Variants in FRMD3 observed in about 807,000 individuals in gnomAD.
The protein encoded by FRMD3 is FERM domain containing 3, also known as FERM domain-containing protein 3.
In FRMD3, 33 loss-of-function variants were observed where a neutral mutation model predicts 70.2. The observed-to-expected ratio is 0.47, with a 90% CI of 0.36 to 0.63. The LOEUF is 0.63. Ranked by LOEUF, FRMD3 falls within the 20% of genes least tolerant of loss-of-function variation. FRMD3 has a pLI of 0.00. For missense variants in FRMD3, 632 were observed against 711.4 expected (o/e 0.89, Z 1.27); for synonymous variants, 279 against 255.9 (o/e 1.09, Z -0.86).
chr9:83,350,633 AAAAAAG>A (rs1163833339), intron 3 of FRMD3: 42 of 459,940 alleles, frequency 9.1e-5, no homozygotes, highest in African/African-American at 7.0e-4. Context: ...CAAAAAAAAA[AAAAAAG>A]AAAGAAAGAA....
At chr9:83,313,267 T>C (rs948629777) in intron 7 of FRMD3, among the ~76,000 whole-genome samples, 16 of 152,218 alleles carry the variant, frequency 1.1e-4, no homozygotes, top group African/African-American at 3.9e-4. Context: ...GTGTTCCTAA[T>C]GCCAAAATGC....
intron 1 of FRMD3, among the ~76,000 whole-genome samples, chr9:83,390,837 T>A (rs894224989): frequency 3.3e-5 from 5 of 152,188 alleles, no homozygotes; most frequent in Admixed American, 3.3e-4. Context: ...ACTTTTTCAA[T>A]CCACTAAAAA....
chr9:83,278,741 C>A (rs1235855484), intron 13 of FRMD3, among the ~76,000 whole-genome samples: 3 of 152,118 alleles, frequency 2.0e-5, no homozygotes. Flanking sequence ...CCGGTCTAGC[C>A]CCAGAGACAA....
the FRMD3 span, among the ~76,000 whole-genome samples, chr9:83,551,776 T>C: frequency 3.3e-5 from 5 of 152,302 alleles, no homozygotes; most frequent in East Asian, 9.6e-4. Context: ...GTGTTTATAG[T>C]AGTTTCTGAG....
the FRMD3 span, among the ~76,000 whole-genome samples, chr9:83,575,603 T>A: frequency 1.3e-5 from 2 of 152,152 alleles, no homozygotes; most frequent in African/African-American, 4.8e-5. Flanking sequence ...AGAGGGGATA[T>A]ACTTGTTCAA....
chr9:83,525,881 T>C (rs955312840), intron 1 of FRMD3, among the ~76,000 whole-genome samples: 1 of 152,312 alleles, frequency 6.6e-6, no homozygotes, highest in South Asian at 2.1e-4. Flanking sequence ...TCTACAAGCC[T>C]GCCCCAACCA....
rs899365050 is a variant in FRMD3 at position 83,372,819 on chromosome 9, T to C, written c.295+94A>G. 5 of 1,147,304 alleles carry C rather than the reference T, an allele frequency of 4.4e-6. No homozygotes were observed. The African/African-American group carries it at 6.1e-5, about 14-fold the overall frequency. The allele number at this position is 1,147,304 out of a possible 1,614,324, so 71.1% of individuals were successfully genotyped here. A position where few individuals can be genotyped will look rare whatever the true frequency, so the allele number is the denominator to read the frequency against. On this transcript the variant is annotated intron_variant, in intron 3 of 13. Transcript: ENST00000304195. ...CCACACCCCCCAACACCTCTTCAACTCTATTATTCCCCTGGCAGGAGAAAG... is the reference window on the plus strand; with the variant it reads ...CCACACCCCCCAACACCTCTTCAACCCTATTATTCCCCTGGCAGGAGAAAG...
intron 8 of FRMD3, among the ~76,000 whole-genome samples, chr9:83,310,840 A>G (rs1835324549): frequency 6.6e-6 from 1 of 152,210 alleles, no homozygotes; most frequent in Non-Finnish European, 1.5e-5. Flanking sequence ...GATCAGAACA[A>G]TATTAATTGC....
intron 1 of FRMD3, among the ~76,000 whole-genome samples, chr9:83,483,561 ATC>A (rs895701475): frequency 6.6e-6 from 1 of 152,194 alleles, no homozygotes; most frequent in Non-Finnish European, 1.5e-5. Context: ...CTAAAACCTT[ATC>A]TGATACAAAT....
intron 2 of FRMD3, among the ~76,000 whole-genome samples, chr9:83,386,528 A>T (rs1157214885): frequency 6.6e-6 from 1 of 152,224 alleles, no homozygotes; most frequent in Non-Finnish European, 1.5e-5. Flanking sequence ...TTAAAATTTT[A>T]ATAATTTTAG....
At chr9:83,266,993 C>T (rs1833290467) in intron 13 of FRMD3, 3 of 1,549,232 alleles carry the variant, frequency 1.9e-6, no homozygotes, top group Non-Finnish European at 2.6e-6. Flanking sequence ...AGGATGACAG[C>T]CCAGGGCACC....
At chr9:83,567,216 G>A in the FRMD3 span, among the ~76,000 whole-genome samples, 8 of 152,322 alleles carry the variant, frequency 5.3e-5, 1 homozygote, top group South Asian at 6.2e-4. Flanking sequence ...CTGAAGCCAC[G>A]GTCAGAGCTA....
the FRMD3 span, among the ~76,000 whole-genome samples, chr9:83,581,300 C>T: frequency 2.0e-5 from 3 of 152,076 alleles, no homozygotes; most frequent in Non-Finnish European, 4.4e-5. Flanking sequence ...AGTTTTAAAA[C>T]AGGCAAAGGA....
intron 1 of FRMD3, among the ~76,000 whole-genome samples, chr9:83,424,261 A>G (rs1826737066): frequency 6.6e-6 from 1 of 152,232 alleles, no homozygotes; most frequent in Non-Finnish European, 1.5e-5. Flanking sequence ...AGCACCTTGT[A>G]CATTCAAATT....
At chr9:83,381,813 T>C (rs532465986) in intron 2 of FRMD3, among the ~76,000 whole-genome samples, 1 of 152,158 alleles carries the variant, frequency 6.6e-6, no homozygotes, top group Non-Finnish European at 1.5e-5. Flanking sequence ...GACCAGATAG[T>C]AAATATTTTA....
chr9:83,326,092 C>T (rs1393779036), intron 6 of FRMD3, among the ~76,000 whole-genome samples: 1 of 152,150 alleles, frequency 6.6e-6, no homozygotes, highest in Non-Finnish European at 1.5e-5. Context: ...GGGTCCAGAA[C>T]ACAGGAACGT....
At chr9:83,513,194 A>G (rs980226866) in intron 1 of FRMD3, among the ~76,000 whole-genome samples, 1 of 152,226 alleles carries the variant, frequency 6.6e-6, no homozygotes, top group African/African-American at 2.4e-5. Context: ...CTAGCCCTAC[A>G]AAGCATTTCT....
At chr9:83,567,139 C>T in the FRMD3 span, among the ~76,000 whole-genome samples, 1 of 152,210 alleles carries the variant, frequency 6.6e-6, no homozygotes, top group South Asian at 2.1e-4. Flanking sequence ...AACCTCAGTT[C>T]CTGACTTCTG....
At chr9:83,471,665 G>A (rs1828272852) in intron 1 of FRMD3, among the ~76,000 whole-genome samples, 1 of 152,218 alleles carries the variant, frequency 6.6e-6, no homozygotes, top group Non-Finnish European at 1.5e-5. Flanking sequence ...AATTCACCTT[G>A]TTCAAAGCTT....
Sources: allele counts gnomAD v4.1 joint callset (sites outside exome capture counted in the v4.1 genomes callset), GRCh38; gene constraint gnomAD v4.1.1; transcripts MANE v1.5; gene names NCBI Gene and HGNC (gene_info 2026-07-23, HGNC 2026-07-21).